The following TTC27 variants were observed in gnomAD, a reference collection of about 807,000 sequenced individuals.
TTC27 encodes the protein tetratricopeptide repeat domain 27.
A neutral mutation model predicts 115.9 loss-of-function variants in TTC27; 79 were observed. The observed-to-expected ratio is 0.68, with a 90% CI of 0.57 to 0.82. The LOEUF (loss-of-function observed/expected upper bound fraction) is 0.82. TTC27 is among the 40% of genes least tolerant of loss of function. The pLI, the probability that TTC27 is intolerant of heterozygous loss-of-function variation, is 0.00. For synonymous variants in TTC27, 401 were observed against 356.0 expected (o/e 1.13, Z -1.42); for missense variants, 1,054 against 993.1 (o/e 1.06, Z -0.82).
chr2:32,742,244 A>C (rs144669530), intron 12 of TTC27, among the ~76,000 whole-genome samples: 1 of 152,210 alleles, frequency 6.6e-6, no homozygotes, highest in African/African-American at 2.4e-5. Context: ...ATCCCTTAAA[A>C]ATTGGATATT....
intron 9 of TTC27, among the ~76,000 whole-genome samples, chr2:32,699,317 A>G (rs1667103543): frequency 1.3e-5 from 2 of 152,234 alleles, no homozygotes; most frequent in Admixed American, 1.3e-4. Flanking sequence ...CCAGCCTTGT[A>G]GGCATTGGGG....
intron 13 of TTC27, among the ~76,000 whole-genome samples, chr2:32,776,799 G>C (rs1670010165): frequency 6.6e-6 from 1 of 152,000 alleles, no homozygotes; most frequent in African/African-American, 2.4e-5. Context: ...AGTTGAGACG[G>C]GGGCTTCACC....
intron 4 of TTC27, among the ~76,000 whole-genome samples, chr2:32,644,621 GT>G (rs1224717579): frequency 6.6e-6 from 1 of 151,900 alleles, no homozygotes; most frequent in Admixed American, 6.6e-5. Context: ...GGGAGACAGG[GT>G]CTCACTGTGT....
intron 4 of TTC27, among the ~76,000 whole-genome samples, chr2:32,644,417 G>C (rs1435478338): frequency 6.6e-6 from 1 of 151,734 alleles, no homozygotes; most frequent in Non-Finnish European, 1.5e-5. Flanking sequence ...CAACTTAGGA[G>C]AATTAATAAA....
At position 32,678,884 on chromosome 2, in the gene TTC27, C is replaced by T. The variant is rs749749210; in HGVS notation, c.1081C>T (p.His361Tyr). The T allele has an allele frequency of 6.8e-6, 11 of 1,613,226 alleles. No individual in the cohort carries two copies. The highest frequency in any genetic ancestry group is 9.3e-6 in the Non-Finnish European group (11 of 1,179,516). Reference protein sequence around the residue: ...CTNFQKNNPVHTLTEVELLAF... With the variant: ...CTNFQKNNPVYTLTEVELLAF... ...TAATTTTCAAAAGAATAACCCAGTG[C>T]ACACATTAACTGAAGTGGAGCTTCT... is the stretch of plus-strand genomic sequence containing the variant. The change falls in exon 9 of 20, where the codon CAC (histidine) becomes TAC (tyrosine). Residue 361 changes from histidine to tyrosine, a missense_variant. His to Tyr is a moderately conservative substitution (Grantham distance 83, BLOSUM62 2). Transcript: ENST00000317907.
intron 16 of TTC27, among the ~76,000 whole-genome samples, chr2:32,787,553 GTA>G (rs1670391200): frequency 1.3e-5 from 2 of 152,132 alleles, no homozygotes; most frequent in African/African-American, 4.8e-5. Context: ...CCTTCAGATG[GTA>G]TGAACAATAT....
chr2:32,779,912 A>G (rs1014816103), intron 14 of TTC27: 8 of 245,574 alleles, frequency 3.3e-5, no homozygotes, highest in African/African-American at 1.8e-4. Flanking sequence ...TTCTTTTCCT[A>G]TTAATAGTCT....
At chr2:32,802,129 CAG>C (rs1670968466) in intron 16 of TTC27, among the ~76,000 whole-genome samples, 1 of 150,910 alleles carries the variant, frequency 6.6e-6, no homozygotes, top group Non-Finnish European at 1.5e-5. Context: ...AAAAAAAAAA[CAG>C]AGATTAAAGA....
At chr2:32,742,906 A>T (rs891948911) in intron 12 of TTC27, among the ~76,000 whole-genome samples, 28 of 151,996 alleles carry the variant, frequency 1.8e-4, no homozygotes, top group Admixed American at 5.9e-4. Context: ...CTTTTTAAAA[A>T]TTTTTTTTAA....
intron 9 of TTC27, among the ~76,000 whole-genome samples, chr2:32,693,787 C>T (rs895048412): frequency 1.3e-5 from 2 of 152,172 alleles, no homozygotes; most frequent in African/African-American, 2.4e-5. Flanking sequence ...AGGACAGTCA[C>T]ACAGGACAGT....
chr2:32,775,723 G>GA (rs199614718), intron 13 of TTC27, among the ~76,000 whole-genome samples: 3 of 150,656 alleles, frequency 2.0e-5, no homozygotes, highest in Admixed American at 6.6e-5. Context: ...ACTTTGTATA[G>GA]AAAAAAAAAT....
At chr2:32,772,836 C>T (rs1669874142) in intron 13 of TTC27, among the ~76,000 whole-genome samples, 1 of 152,116 alleles carries the variant, frequency 6.6e-6, no homozygotes, top group African/African-American at 2.4e-5. Flanking sequence ...ACCCAGTCCC[C>T]TCTGGGTTTT....
intron 6 of TTC27, among the ~76,000 whole-genome samples, chr2:32,664,893 C>T (rs908215814): frequency 2.7e-5 from 4 of 150,880 alleles, no homozygotes; most frequent in Middle Eastern, 3.4e-3. Context: ...AGTGCAGTGG[C>T]GTGATCTTGG....
chr2:32,733,911 C>T lies in TTC27; in HGVS notation c.1317C>T (p.His439=), dbSNP rs757441378. ...TCTATTGCTGTCAAGTACCACCTCA[C>T]TGGGCCATTCAGGTATTTCTGTTGT... ...KIFYCCQVPP[H]WAIQRQLASL... is the part of the protein sequence containing the mutation. Residue 439 remains histidine, a synonymous_variant, in exon 11 of 20, where the codon CAC becomes CAT. Transcript: ENST00000317907. 5 of 1,609,912 alleles carry T rather than the reference C, an allele frequency of 3.1e-6. No individual in the cohort carries two copies. Among genetic ancestry groups the T allele is most frequent in the Non-Finnish European group, 8.5e-7 (1 of 1,177,602 alleles).
chr2:32,782,607 G>C lies in TTC27; in HGVS notation c.1780-19G>C. The C allele has an allele frequency of 6.2e-7, 1 of 1,608,916 alleles. No homozygotes were observed. The highest frequency in any genetic ancestry group is 8.5e-7 in the Non-Finnish European group (1 of 1,176,612). On this transcript the variant is annotated intron_variant, in intron 14 of 19. Coordinates refer to ENST00000317907, the MANE Select transcript of TTC27 (RefSeq NM_017735.5). ...CCTAAATGAGAAGAGTTAATTAACT[G>C]TGTTCTCTATCATTTCAGAATGCTG... is the stretch of plus-strand genomic sequence containing the variant.
At chr2:32,815,392 C>T (rs1473327892) in intron 18 of TTC27, among the ~76,000 whole-genome samples, 1 of 151,694 alleles carries the variant, frequency 6.6e-6, no homozygotes, top group Non-Finnish European at 1.5e-5. Flanking sequence ...CGCCCACCAC[C>T]ACGCCCGGCT....
chr2:32,750,331 G>C (rs1668966501), intron 12 of TTC27, among the ~76,000 whole-genome samples: 4 of 152,218 alleles, frequency 2.6e-5, no homozygotes, highest in Admixed American at 2.6e-4. Flanking sequence ...CAGAGCATGG[G>C]TTCTGGGATC....
Position 32,768,635 on chromosome 2 carries a change from G to A in TTC27, c.1681-9247G>A, listed in dbSNP as rs561721422. ...AACCCTGTAGATGTGGGAGCCTATTGTGGTTTTGAATTAAAAAGTGATATG... is the reference window on the plus strand; with the variant it reads ...AACCCTGTAGATGTGGGAGCCTATTATGGTTTTGAATTAAAAAGTGATATG... On this transcript the variant is annotated intron_variant, in intron 13 of 19. Transcript: ENST00000317907. Among the ~76,000 whole-genome samples the A allele has an allele frequency of 2.4e-4, 37 of 152,330 alleles. 1 individual carries two copies. The highest frequency in any genetic ancestry group is 3.4e-3 in the Middle Eastern group (1 of 294).
chr2:32,814,204 C>G (rs1671415042), intron 18 of TTC27, among the ~76,000 whole-genome samples: 1 of 152,144 alleles, frequency 6.6e-6, no homozygotes, highest in African/African-American at 2.4e-5. Flanking sequence ...TTAAACCTGT[C>G]AAAGAGAGAT....
Sources: gnomAD v4.1 joint callset for allele counts (sites outside exome capture counted in the v4.1 genomes callset) on GRCh38, gnomAD v4.1.1 for gene constraint, MANE v1.5 for transcripts, NCBI Gene and HGNC (gene_info 2026-07-23, HGNC 2026-07-21) for gene names.